UBE2V2: variants seen among roughly 807,000 people sequenced by gnomAD.
The protein encoded by UBE2V2 is ubiquitin conjugating enzyme E2 V2.
In UBE2V2, 9 loss-of-function variants were observed where a neutral mutation model predicts 17.2. The ratio of observed to expected loss-of-function variants is 0.52; its 90% CI spans 0.32 to 0.91. The LOEUF is 0.91. Among genes scored for constraint, UBE2V2 ranks in the 40% least tolerant of loss-of-function variants. UBE2V2 has a pLI of 0.04. For synonymous variants in UBE2V2, 61 were observed against 57.5 expected (o/e 1.06, Z -0.28); for missense variants, 133 against 182.6 (o/e 0.73, Z 1.56).
intron 3 of UBE2V2, among the ~76,000 whole-genome samples, chr8:48,055,426 C>T (rs192467372): frequency 1.3e-5 from 2 of 151,942 alleles, no homozygotes; most frequent in East Asian, 3.9e-4. Context: ...GTCTTGAACT[C>T]CTGATTTCAG....
At chr8:48,047,770 ACTC>A (rs1277295273) in intron 2 of UBE2V2, among the ~76,000 whole-genome samples, 3 of 151,906 alleles carry the variant, frequency 2.0e-5, no homozygotes, top group Admixed American at 6.6e-5. Flanking sequence ...CTGGTCTCGA[ACTC>A]CTGACCTCAG....
chr8:48,018,033 C>T (rs191160405), intron 1 of UBE2V2, among the ~76,000 whole-genome samples: 11 of 152,022 alleles, frequency 7.2e-5, no homozygotes, highest in African/African-American at 2.7e-4. Context: ...GATGGGGTTT[C>T]GCCATGTTGG....
intron 1 of UBE2V2, among the ~76,000 whole-genome samples, chr8:48,033,629 G>A (rs1438790090): frequency 6.6e-6 from 1 of 151,960 alleles, no homozygotes; most frequent in African/African-American, 2.4e-5. Context: ...CCTCCCTGTG[G>A]CAAGAGCAAA....
chr8:48,020,102 G>A (rs1206677194), intron 1 of UBE2V2, among the ~76,000 whole-genome samples: 2 of 150,346 alleles, frequency 1.3e-5, no homozygotes, highest in Non-Finnish European at 2.9e-5. Context: ...GCAGTGGCGT[G>A]AACATGGCTC....
intron 2 of UBE2V2, chr8:48,049,617 A>G: frequency 3.3e-6 from 1 of 303,272 alleles, no homozygotes; most frequent in Non-Finnish European, 6.0e-6. Flanking sequence ...TTGTAGAATT[A>G]ATTTTGTAAA....
intron 1 of UBE2V2, chr8:48,042,091 T>C (rs1364445529): frequency 6.6e-6 from 1 of 152,094 alleles, no homozygotes; most frequent in Non-Finnish European, 1.5e-5. Flanking sequence ...ATCCACTCTT[T>C]TAAATTTAGG....
intron 1 of UBE2V2, among the ~76,000 whole-genome samples, chr8:48,032,243 G>A (rs900765841): frequency 6.6e-6 from 1 of 152,102 alleles, no homozygotes; most frequent in African/African-American, 2.4e-5. Flanking sequence ...AAACTTAAAT[G>A]TATTCTATTG....
chr8:48,039,147 G>A (rs1385503418), intron 1 of UBE2V2, among the ~76,000 whole-genome samples: 4 of 151,990 alleles, frequency 2.6e-5, no homozygotes, highest in Non-Finnish European at 5.9e-5. Flanking sequence ...TGATCCACCT[G>A]CCTTGGCCTC....
intron 1 of UBE2V2, among the ~76,000 whole-genome samples, chr8:48,027,657 G>T (rs999494040): frequency 1.3e-5 from 2 of 151,914 alleles, no homozygotes; most frequent in African/African-American, 4.8e-5. Context: ...GCGCCTTTAT[G>T]CCTGGGTAAT....
rs543109865 is a variant in UBE2V2 at position 48,025,135 on chromosome 8, C to T, written c.16+16665C>T. 9.2e-5 allele frequency among the ~76,000 whole-genome samples: 14 copies of T among 152,086 alleles called. No individual in the cohort carries two copies. In the East Asian group the frequency reaches 2.1e-3, roughly 23 times the overall value. On this transcript the variant is annotated intron_variant, in intron 1 of 3. Coordinates refer to ENST00000523111, the MANE Select transcript of UBE2V2 (RefSeq NM_003350.3). ...ATTTTTAGTAGAAACGGGGTTTCAC[C>T]GTGTTAGCCAGGAGATGGTCTCGAT... is the stretch of plus-strand genomic sequence containing the variant.
Position 48,044,349 on chromosome 8 carries a change from A to G in UBE2V2, c.165+1168A>G, listed in dbSNP as rs138609222. ...GTTTTTGTAGAGATGGGGTTTCACCATGTCGGCCAGGCTGGTCTCGAACTC... is the reference window on the plus strand; with the variant it reads ...GTTTTTGTAGAGATGGGGTTTCACCGTGTCGGCCAGGCTGGTCTCGAACTC... On this transcript the variant is annotated intron_variant, in intron 2 of 3. Transcript: ENST00000523111. Among the ~76,000 whole-genome samples the G allele has an allele frequency of 2.4e-4, 37 of 152,266 alleles. No individual in the cohort carries two copies. In the Middle Eastern group the frequency reaches 0.01, roughly 42 times the overall value.
At chr8:48,008,652 T>C in intron 1 of UBE2V2, 182 bp downstream of exon 1, 1 of 852,386 alleles carries the variant, frequency 1.2e-6, no homozygotes, top group Non-Finnish European at 1.5e-6. Flanking sequence ...CCGGCGGCCG[T>C]CGGGTTGGCG....
chr8:48,048,743 C>T (rs1441029615), intron 2 of UBE2V2, among the ~76,000 whole-genome samples: 1 of 151,942 alleles, frequency 6.6e-6, no homozygotes, highest in Admixed American at 6.6e-5. Flanking sequence ...TTGGATAGCT[C>T]TTGTTTATGG....
At chr8:48,006,872 A>AT (rs749928602), upstream of UBE2V2, among the ~76,000 whole-genome samples, 3 of 151,824 alleles carry the variant, frequency 2.0e-5, no homozygotes, top group African/African-American at 4.8e-5. Flanking sequence ...GATTCTTTTT[A>AT]TTTTTTATTT....
At position 48,062,587 on chromosome 8, in the gene UBE2V2, C is replaced by A. The variant is rs1376384566; in HGVS notation, c.*1759C>A. The A allele has an allele frequency of 1.8e-5, 2 of 111,124 alleles. No individual in the cohort carries two copies. The highest frequency in any genetic ancestry group is 9.2e-5 in the Admixed American group (1 of 10,908). The allele number at this position is 111,124 out of a possible 1,614,324, so 6.9% of individuals were successfully genotyped here. On this transcript the variant is annotated 3_prime_UTR_variant, in exon 4 of 4. Transcript: ENST00000523111. Reference sequence around the variant, plus strand: ...TGGGCAACAGAGCAAGACTCCATCTCAAAAAAAAAAAAAAAAAGAAAAATA... The same window carrying A: ...TGGGCAACAGAGCAAGACTCCATCTAAAAAAAAAAAAAAAAAAGAAAAATA...
intron 1 of UBE2V2, chr8:48,041,654 C>T (rs972864528): frequency 1.3e-5 from 2 of 152,140 alleles, no homozygotes; most frequent in African/African-American, 4.8e-5. Context: ...TTTACCTTTG[C>T]ATATACACGA....
intron 1 of UBE2V2, 42 bp downstream of exon 1, chr8:48,008,512 C>G (rs375417919): frequency 1.1e-4 from 174 of 1,552,754 alleles, no homozygotes; most frequent in Non-Finnish European, 1.4e-4. Context: ...CGCTCCGACC[C>G]GGCTCTGCCC....
At chr8:48,049,067 T>C (rs1229871604) in intron 2 of UBE2V2, among the ~76,000 whole-genome samples, 3 of 152,176 alleles carry the variant, frequency 2.0e-5, no homozygotes, top group Non-Finnish European at 2.9e-5. Context: ...AGAGTTAATT[T>C]ATAGGCATGA....
chr8:48,054,242 A>T (rs946867963), intron 3 of UBE2V2, among the ~76,000 whole-genome samples: 6 of 152,186 alleles, frequency 3.9e-5, no homozygotes, highest in African/African-American at 1.4e-4. Flanking sequence ...CTTTCCATGG[A>T]CACACCTTGA....
Sources: allele counts gnomAD v4.1 joint callset (sites outside exome capture counted in the v4.1 genomes callset), GRCh38; gene constraint gnomAD v4.1.1; transcripts MANE v1.5; gene names NCBI Gene and HGNC (gene_info 2026-07-23, HGNC 2026-07-21).